CHODL: variants seen among roughly 807,000 people sequenced by gnomAD.
The protein encoded by CHODL is chondrolectin.
Under a neutral mutation model 34.5 loss-of-function variants are expected in CHODL, and 29 were observed. That is an observed-to-expected ratio of 0.84 (90% CI 0.63 to 1.15). The LOEUF (loss-of-function observed/expected upper bound fraction) is 1.15, where lower values mean the gene tolerates loss of function less well. CHODL is among the 50% of genes most tolerant of loss of function. The pLI is 0.00. For missense variants in CHODL, 332 were observed against 332.5 expected (o/e 1.00, Z 0.01); for synonymous variants, 125 against 116.1 (o/e 1.08, Z -0.49).
intron 2 of CHODL, among the ~76,000 whole-genome samples, chr21:18,045,610 G>T (rs2064432480): frequency 6.6e-6 from 1 of 151,916 alleles, no homozygotes; most frequent in Non-Finnish European, 1.5e-5. Flanking sequence ...AACTGTGAGA[G>T]AATACATTTT....
At chr21:17,919,889 A>G (rs1009650689) in intron 1 of CHODL, among the ~76,000 whole-genome samples, 1 of 152,138 alleles carries the variant, frequency 6.6e-6, no homozygotes, top group Non-Finnish European at 1.5e-5. Context: ...CATCTTTCTC[A>G]AGTTCAGAGT....
chr21:18,254,082 T>C (rs1360360546), intron 1 of CHODL, among the ~76,000 whole-genome samples: 1 of 152,082 alleles, frequency 6.6e-6, no homozygotes, highest in Admixed American at 6.6e-5. Flanking sequence ...GGAATGGATA[T>C]GATACACTGG....
chr21:18,102,039 G>A (rs1430363352), intron 2 of CHODL, among the ~76,000 whole-genome samples: 1 of 152,154 alleles, frequency 6.6e-6, no homozygotes, highest in Admixed American at 6.6e-5. Flanking sequence ...GTTATGTAAT[G>A]TAGCAGATCT....
chr21:18,166,498 A>T (rs1462697261), intron 2 of CHODL, among the ~76,000 whole-genome samples: 1 of 152,154 alleles, frequency 6.6e-6, no homozygotes, highest in Non-Finnish European at 1.5e-5. Flanking sequence ...GAACATTAGG[A>T]AGTAGAAATC....
chr21:18,236,563 T>C (rs1162388329), intron 2 of CHODL, among the ~76,000 whole-genome samples: 1 of 152,116 alleles, frequency 6.6e-6, no homozygotes, highest in East Asian at 1.9e-4. Context: ...TACGGTCATA[T>C]GGCCACTTGA....
At chr21:18,140,577 G>GCT (rs1352449665) in intron 2 of CHODL, among the ~76,000 whole-genome samples, 1 of 152,012 alleles carries the variant, frequency 6.6e-6, no homozygotes, top group Non-Finnish European at 1.5e-5. Context: ...TTCTATAATG[G>GCT]CTCACTGTCT....
At chr21:18,196,992 A>C (rs1378938444) in intron 2 of CHODL, among the ~76,000 whole-genome samples, 16 of 152,192 alleles carry the variant, frequency 1.1e-4, no homozygotes, top group Non-Finnish European at 2.4e-4. Context: ...CCGTGCGTAC[A>C]CACAAGCACA....
At chr21:18,093,777 G>A (rs1037117715) in intron 2 of CHODL, among the ~76,000 whole-genome samples, 2 of 151,946 alleles carry the variant, frequency 1.3e-5, no homozygotes, top group Non-Finnish European at 2.9e-5. Flanking sequence ...CATACCACCA[G>A]AGAAAATCAC....
intron 2 of CHODL, among the ~76,000 whole-genome samples, chr21:18,211,615 C>A (rs2073775630): frequency 6.6e-6 from 1 of 152,166 alleles, no homozygotes; most frequent in South Asian, 2.1e-4. Flanking sequence ...AGTTGCCAAC[C>A]ATATTGGCCA....
At chr21:17,971,201 C>G (rs1338275831) in intron 1 of CHODL, among the ~76,000 whole-genome samples, 1 of 152,152 alleles carries the variant, frequency 6.6e-6, no homozygotes, top group Non-Finnish European at 1.5e-5. Flanking sequence ...CATACGTGTG[C>G]ATATGTCTTT....
Position 18,256,486 on chromosome 21 carries a change from G to A in CHODL, c.80-23G>A, listed in dbSNP as rs200672329. On this transcript the variant is annotated intron_variant, in intron 1 of 5. Coordinates refer to ENST00000299295, the MANE Select transcript of CHODL (RefSeq NM_024944.3). Reference sequence around the variant, plus strand: ...AATAGAGTTCCGATTATCAATATATGGGCATCTTTTTTTTTTTTTCAGGCC... The same window carrying A: ...AATAGAGTTCCGATTATCAATATATAGGCATCTTTTTTTTTTTTTCAGGCC... The A allele has an allele frequency of 7.4e-4, 1,142 of 1,548,974 alleles. 8 individuals carry two copies. The African/African-American group carries it at 0.015, about 20-fold the overall frequency.
At chr21:17,959,939 ATAT>A (rs1422685659) in intron 1 of CHODL, among the ~76,000 whole-genome samples, 1 of 152,210 alleles carries the variant, frequency 6.6e-6, no homozygotes, top group Non-Finnish European at 1.5e-5. Context: ...GTGCTATGAA[ATAT>A]TATCTAACAC....
chr21:17,987,091 T>G (rs1469355006), intron 1 of CHODL, among the ~76,000 whole-genome samples: 1 of 152,130 alleles, frequency 6.6e-6, no homozygotes, highest in Non-Finnish European at 1.5e-5. Flanking sequence ...TCCTGCCTGG[T>G]TCTATAGAAA....
At chr21:18,130,077 T>C (rs2146593231) in intron 2 of CHODL, among the ~76,000 whole-genome samples, 1 of 152,182 alleles carries the variant, frequency 6.6e-6, no homozygotes, top group African/African-American at 2.4e-5. Flanking sequence ...CAAGTTGATA[T>C]CTATGTCTTA....
At chr21:18,123,920 C>T (rs987569458) in intron 2 of CHODL, among the ~76,000 whole-genome samples, 10 of 152,224 alleles carry the variant, frequency 6.6e-5, no homozygotes, top group Non-Finnish European at 1.2e-4. Context: ...CGGTGGCTCA[C>T]GCCTGTAATC....
At chr21:18,241,421 T>TA (rs1160487204), upstream of CHODL, among the ~76,000 whole-genome samples, 1 of 152,190 alleles carries the variant, frequency 6.6e-6, no homozygotes, top group Non-Finnish European at 1.5e-5. Flanking sequence ...ATTGGTTAGT[T>TA]AATGTTGGAT....
chr21:17,937,183 C>G (rs1380779693), intron 1 of CHODL, among the ~76,000 whole-genome samples: 2 of 151,856 alleles, frequency 1.3e-5, no homozygotes, highest in African/African-American at 2.4e-5. Flanking sequence ...CTTGATGATC[C>G]CAGAGCATCA....
chr21:18,258,743 ATTTTTAT>A (rs1239072710), intron 3 of CHODL, among the ~76,000 whole-genome samples: 1 of 151,768 alleles, frequency 6.6e-6, no homozygotes, highest in Non-Finnish European at 1.5e-5. Flanking sequence ...TGTGCTCAGG[ATTTTTAT>A]TTTTTATTTC....
intron 1 of CHODL, among the ~76,000 whole-genome samples, chr21:17,982,140 C>T (rs528451368): frequency 1.3e-5 from 2 of 152,268 alleles, no homozygotes; most frequent in East Asian, 1.9e-4. Flanking sequence ...GTTTCTAACA[C>T]GGATTTTAAA....
Sources: gnomAD v4.1 joint callset for allele counts (sites outside exome capture counted in the v4.1 genomes callset) on GRCh38, gnomAD v4.1.1 for gene constraint, MANE v1.5 for transcripts, NCBI Gene and HGNC (gene_info 2026-07-23, HGNC 2026-07-21) for gene names.